The following CAST variants were observed in gnomAD, a reference collection of about 807,000 sequenced individuals.
CAST encodes MIR583 host.
CAST carries 76 observed loss-of-function variants against 119.6 expected under a neutral mutation model. That is an observed-to-expected ratio of 0.64 (90% CI 0.53 to 0.77). The LOEUF (loss-of-function observed/expected upper bound fraction) is 0.77, where lower values mean the gene tolerates loss of function less well. CAST is among the 30% of genes least tolerant of loss of function. The pLI is 0.00. For missense variants in CAST, 953 were observed against 946.5 expected, an observed-to-expected ratio of 1.01 and a Z score of -0.09; for synonymous variants, 319 against 331.6, an observed-to-expected ratio of 0.96 and a Z score of 0.41.
the CAST span, among the ~76,000 whole-genome samples, chr5:96,450,068 C>G: frequency 6.6e-6 from 1 of 152,110 alleles, no homozygotes; most frequent in African/African-American, 2.4e-5. Context: ...TGGGTGTCTC[C>G]CCAAAGGAAA....
the CAST span, among the ~76,000 whole-genome samples, chr5:96,064,319 G>A: frequency 6.6e-6 from 1 of 152,138 alleles, no homozygotes; most frequent in African/African-American, 2.4e-5. Context: ...ATTTCAGGGA[G>A]TGGAGAAAGT....
At chr5:96,654,623 C>T (rs746063066) in intron 1 of CAST, among the ~76,000 whole-genome samples, 1 of 152,148 alleles carries the variant, frequency 6.6e-6, no homozygotes, top group Non-Finnish European at 1.5e-5. Flanking sequence ...TAAGCTTTTA[C>T]TTGACTACAC....
At chr5:96,549,857 C>A (rs1746093519) in intron 1 of CAST, among the ~76,000 whole-genome samples, 1 of 152,204 alleles carries the variant, frequency 6.6e-6, no homozygotes, top group Non-Finnish European at 1.5e-5. Flanking sequence ...ATTGCTGAGG[C>A]TTCAGTAGGC....
At chr5:96,068,529 C>T in the CAST span, among the ~76,000 whole-genome samples, 1 of 151,794 alleles carries the variant, frequency 6.6e-6, no homozygotes, top group Non-Finnish European at 1.5e-5. Flanking sequence ...GGAACCCACC[C>T]ACTGGACTAG....
At chr5:96,155,329 C>T in the CAST span, among the ~76,000 whole-genome samples, 1 of 152,120 alleles carries the variant, frequency 6.6e-6, no homozygotes, top group Non-Finnish European at 1.5e-5. Context: ...TGGTCCCCGC[C>T]CATCATGCAT....
At chr5:96,302,098 C>T in the CAST span, among the ~76,000 whole-genome samples, 1 of 152,196 alleles carries the variant, frequency 6.6e-6, no homozygotes, top group South Asian at 2.1e-4. Flanking sequence ...AGCCTCAACT[C>T]TTGCCCTTTA....
chr5:96,287,194 CA>C, the CAST span, among the ~76,000 whole-genome samples: 2 of 152,056 alleles, frequency 1.3e-5, no homozygotes, highest in Non-Finnish European at 2.9e-5. Flanking sequence ...CTACGCTACC[CA>C]ATTTATTGGC....
At chr5:95,987,109 C>A in the CAST span, among the ~76,000 whole-genome samples, 18 of 152,172 alleles carry the variant, frequency 1.2e-4, no homozygotes, top group African/African-American at 4.3e-4. Flanking sequence ...CTTTCCTGAC[C>A]TTCGGACCCT....
the CAST span, among the ~76,000 whole-genome samples, chr5:96,115,923 CTTT>C: frequency 4.8e-5 from 6 of 124,056 alleles, no homozygotes; most frequent in African/African-American, 5.9e-5. Flanking sequence ...TCATTTCTTT[CTTT>C]TTTTTTTTTT....
At chr5:95,974,063 A>G in the CAST span, among the ~76,000 whole-genome samples, 1 of 151,890 alleles carries the variant, frequency 6.6e-6, no homozygotes, top group Admixed American at 6.6e-5. Flanking sequence ...AAAACCATCT[A>G]CTGACCCTAT....
At chr5:96,487,845 G>A in the CAST span, among the ~76,000 whole-genome samples, 19 of 152,264 alleles carry the variant, frequency 1.2e-4, no homozygotes, top group South Asian at 4.1e-4. Context: ...GTGGCATCAC[G>A]AAAGGGCACC....
intron 1 of CAST, among the ~76,000 whole-genome samples, chr5:96,672,706 C>CAAAAAAA (rs11427288): frequency 2.0e-4 from 12 of 59,152 alleles, no homozygotes; most frequent in South Asian, 7.0e-4. Context: ...GACTCAGTCT[C>CAAAAAAA]AAAAAAAAAA....
At chr5:96,284,029 G>A in the CAST span, among the ~76,000 whole-genome samples, 1 of 152,160 alleles carries the variant, frequency 6.6e-6, no homozygotes, top group African/African-American at 2.4e-5. Context: ...CAGGTAAGAG[G>A]CAGCATTAGC....
At chr5:95,995,075 T>C in the CAST span, among the ~76,000 whole-genome samples, 6 of 152,158 alleles carry the variant, frequency 3.9e-5, no homozygotes, top group Non-Finnish European at 5.9e-5. Flanking sequence ...TTTCAACCCT[T>C]GGAGCAGCTT....
the CAST span, among the ~76,000 whole-genome samples, chr5:96,082,273 TA>T: frequency 6.6e-6 from 1 of 152,196 alleles, no homozygotes; most frequent in Non-Finnish European, 1.5e-5. Flanking sequence ...AGGCCTACAG[TA>T]AGCTTTTTAA....
At chr5:96,542,955 C>T (rs528203297) in intron 1 of CAST, among the ~76,000 whole-genome samples, 1 of 152,300 alleles carries the variant, frequency 6.6e-6, no homozygotes, top group East Asian at 1.9e-4. Context: ...TTAGTTCAAC[C>T]ATTGTGGAAG....
chr5:96,165,175 A>G, the CAST span, among the ~76,000 whole-genome samples: 6 of 150,706 alleles, frequency 4.0e-5, no homozygotes, highest in East Asian at 1.9e-4. Flanking sequence ...CAGATTCCTT[A>G]GTCTTTTTTT....
At chr5:96,342,613 A>G in the CAST span, among the ~76,000 whole-genome samples, 3 of 152,216 alleles carry the variant, frequency 2.0e-5, no homozygotes, top group Non-Finnish European at 2.9e-5. Context: ...CTAATTATAA[A>G]ATGGAAAGGC....
the CAST span, among the ~76,000 whole-genome samples, chr5:96,506,134 A>G: frequency 6.6e-6 from 1 of 152,254 alleles, no homozygotes; most frequent in Non-Finnish European, 1.5e-5. Context: ...GAGGCTGCAC[A>G]TAACACAAGC....
Sources: allele counts gnomAD v4.1 joint callset (sites outside exome capture counted in the v4.1 genomes callset), GRCh38; gene constraint gnomAD v4.1.1; transcripts MANE v1.5; gene names NCBI Gene and HGNC (gene_info 2026-07-23, HGNC 2026-07-21).